TACR1: variants seen among roughly 807,000 people sequenced by gnomAD.
TACR1 encodes the protein tachykinin receptor 1.
In TACR1, 25 loss-of-function variants were observed where a neutral mutation model predicts 35.8. That is an observed-to-expected ratio of 0.70 (90% confidence interval 0.51 to 0.98). TACR1 has a LOEUF of 0.98. Ranked by LOEUF, TACR1 falls within the 50% of genes least tolerant of loss-of-function variation. The pLI is 0.00. For synonymous variants in TACR1, 195 were observed against 206.7 expected (o/e 0.94, Z 0.48); for missense variants, 478 against 522.9 (o/e 0.91, Z 0.84).
At chr2:75,166,679 G>A (rs1382146425) in intron 1 of TACR1, among the ~76,000 whole-genome samples, 2 of 152,226 alleles carry the variant, frequency 1.3e-5, no homozygotes, top group Non-Finnish European at 2.9e-5. Flanking sequence ...CACAGCAAGT[G>A]AGTGGGCTAG....
intron 2 of TACR1, among the ~76,000 whole-genome samples, chr2:75,099,392 A>G (rs138028856): frequency 2.8e-4 from 42 of 152,198 alleles, no homozygotes; most frequent in African/African-American, 9.6e-4. Context: ...TGCTGTTACA[A>G]TTCTCTCTGT....
At chr2:75,187,403 TG>T (rs200428076) in intron 1 of TACR1, 1 of 107,474 alleles carries the variant, frequency 9.3e-6, no homozygotes, top group African/African-American at 6.1e-5. Flanking sequence ...GACCCCTTGG[TG>T]GTATACCTGG....
At chr2:75,176,484 G>A (rs573603811) in intron 1 of TACR1, among the ~76,000 whole-genome samples, 1 of 151,966 alleles carries the variant, frequency 6.6e-6, no homozygotes, top group South Asian at 2.1e-4. Flanking sequence ...ACTCCTCTGA[G>A]CCTATCCTTG....
At chr2:75,050,211 G>A (rs898341908) in intron 4 of TACR1, among the ~76,000 whole-genome samples, 1 of 152,170 alleles carries the variant, frequency 6.6e-6, no homozygotes, top group Admixed American at 6.5e-5. Flanking sequence ...TTGTTAAATA[G>A]GAAGAATTAA....
intron 1 of TACR1, among the ~76,000 whole-genome samples, chr2:75,159,132 C>G (rs1163683616): frequency 1.3e-5 from 2 of 151,664 alleles, no homozygotes; most frequent in Non-Finnish European, 2.9e-5. Flanking sequence ...TGTAGGGGAC[C>G]TGATTTTTAG....
At position 75,057,188 on chromosome 2, in the gene TACR1, C is replaced by A. The variant is rs547687265; in HGVS notation, c.585-3433G>T. On this transcript the variant is annotated intron_variant, in intron 2 of 4. Transcript: ENST00000305249. ...ACAAAAGAAGTGAAAATGGTCTGTT[C>A]CTGCCTTAACTGATGACATTACCTT... 5.9e-5 allele frequency among the ~76,000 whole-genome samples: 9 copies of A among 152,244 alleles called. No homozygotes were observed. The East Asian group carries it at 1.7e-3, about 29-fold the overall frequency.
chr2:75,070,416 G>A (rs1005447767), intron 2 of TACR1, among the ~76,000 whole-genome samples: 3 of 152,158 alleles, frequency 2.0e-5, no homozygotes, highest in Non-Finnish European at 4.4e-5. Context: ...GGGTGGTACA[G>A]AGCCTTGTTA....
intron 1 of TACR1, among the ~76,000 whole-genome samples, chr2:75,143,782 G>T (rs1674454822): frequency 6.6e-6 from 1 of 152,164 alleles, no homozygotes; most frequent in Non-Finnish European, 1.5e-5. Flanking sequence ...TCTGGAGACT[G>T]GACGCTTACT....
chr2:75,182,282 T>C (rs539065660), intron 1 of TACR1, among the ~76,000 whole-genome samples: 17 of 152,320 alleles, frequency 1.1e-4, no homozygotes, highest in African/African-American at 3.8e-4. Context: ...ATTTCTCTCA[T>C]GGCCTGTGCT....
intron 2 of TACR1, among the ~76,000 whole-genome samples, chr2:75,096,706 A>G (rs1482869400): frequency 6.6e-6 from 1 of 152,190 alleles, no homozygotes; most frequent in Non-Finnish European, 1.5e-5. Context: ...CATGTTGTTT[A>G]TGGTATACAT....
At chr2:75,102,994 T>C (rs1455791228) in intron 2 of TACR1, among the ~76,000 whole-genome samples, 2 of 152,232 alleles carry the variant, frequency 1.3e-5, no homozygotes, top group African/African-American at 4.8e-5. Flanking sequence ...TCTCTATTAC[T>C]TGTTCCCAAC....
In TACR1 at chr2:75,100,380, T is replaced by G. The variant is rs191535392; in HGVS notation, c.584+20194A>C. 7.1e-3 allele frequency among the ~76,000 whole-genome samples: 1,082 copies of G among 152,354 alleles called. 9 individuals are homozygous for G. The highest frequency in any genetic ancestry group is 0.012 in the Non-Finnish European group (839 of 68,028). On this transcript the variant is annotated intron_variant, in intron 2 of 4. Coordinates refer to ENST00000305249, the MANE Select transcript of TACR1 (RefSeq NM_001058.4). The stretch of plus-strand genomic sequence containing the variant: ...AGTTTCTTTGGCATAAATTATAACC[T>G]CTCTTTCAAATCTTTGTGCATGTGG...
chr2:75,198,300 G>A (rs182731477), intron 1 of TACR1, among the ~76,000 whole-genome samples: 24 of 152,276 alleles, frequency 1.6e-4, no homozygotes, highest in African/African-American at 4.8e-4. Context: ...AGAAAGGGGA[G>A]TTAAATGAAG....
intron 1 of TACR1, chr2:75,187,460 A>C (rs757016548): frequency 2.0e-5 from 3 of 152,158 alleles, no homozygotes; most frequent in Non-Finnish European, 2.9e-5. Flanking sequence ...GTATTACCTA[A>C]ACTCCGGCAC....
intron 2 of TACR1, among the ~76,000 whole-genome samples, chr2:75,057,180 G>T (rs1222247606): frequency 6.6e-6 from 1 of 152,170 alleles, no homozygotes; most frequent in Non-Finnish European, 1.5e-5. Context: ...AAGTGAAAAT[G>T]GTCTGTTCCT....
chr2:75,183,068 AG>A (rs2104053806), intron 1 of TACR1, among the ~76,000 whole-genome samples: 1 of 152,240 alleles, frequency 6.6e-6, no homozygotes, highest in South Asian at 2.1e-4. Flanking sequence ...ATGATGTAGG[AG>A]CTCTATAAAT....
At chr2:75,140,109 G>A (rs529284721) in intron 1 of TACR1, among the ~76,000 whole-genome samples, 1 of 152,108 alleles carries the variant, frequency 6.6e-6, no homozygotes, top group Non-Finnish European at 1.5e-5. Context: ...TGGCCACAAT[G>A]AGAATGGAAA....
In TACR1 at chr2:75,154,401, A is replaced by AGCGCGCGCGCGCGCGCGCGCGCGCGCGC. The variant is rs142809732; in HGVS notation, c.390-33634_390-33633insGCGCGCGCGCGCGCGCGCGCGCGCGCGC. The AGCGCGCGCGCGCGCGCGCGCGCGCGCGC allele has an allele frequency of 3.9e-5, 3 of 76,444 alleles. 1 individual carries two copies. Among genetic ancestry groups the AGCGCGCGCGCGCGCGCGCGCGCGCGCGC allele is most frequent in the Non-Finnish European group, 8.2e-5 (3 of 36,558 alleles). The allele number at this position is 76,444 out of a possible 1,614,324, so 4.7% of individuals were successfully genotyped here. A position where few individuals can be genotyped will look rare whatever the true frequency, so the allele number is the denominator to read the frequency against. Reference sequence around the variant, plus strand: ...TGGCCCAGGGAGATAATCAGCCAAGAGCGCGCACGCACACACACACACACA... The same window carrying AGCGCGCGCGCGCGCGCGCGCGCGCGCGC: ...TGGCCCAGGGAGATAATCAGCCAAGAGCGCGCGCGCGCGCGCGCGCGCGCGCGCGCGCGCACGCACACACACACACACA... On this transcript the variant is annotated intron_variant, in intron 1 of 4. Coordinates refer to ENST00000305249, the MANE Select transcript of TACR1 (RefSeq NM_001058.4).
chr2:75,165,840 G>T (rs1675130006), intron 1 of TACR1, among the ~76,000 whole-genome samples: 1 of 152,156 alleles, frequency 6.6e-6, no homozygotes, highest in African/African-American at 2.4e-5. Context: ...TTCTGTCAGA[G>T]CCTACTCCCC....
Sources: gnomAD v4.1 joint callset for allele counts (sites outside exome capture counted in the v4.1 genomes callset) on GRCh38, gnomAD v4.1.1 for gene constraint, MANE v1.5 for transcripts, NCBI Gene and HGNC (gene_info 2026-07-23, HGNC 2026-07-21) for gene names.